Variants in ASIC2 observed in about 807,000 individuals in gnomAD.
ASIC2 encodes acid-sensing ion channel 2.
In ASIC2, 25 loss-of-function variants were observed where a neutral mutation model predicts 57.3. The ratio of observed to expected loss-of-function variants is 0.44; its 90% CI spans 0.32 to 0.61. The LOEUF (loss-of-function observed/expected upper bound fraction) is 0.61. Ranked by LOEUF, ASIC2 falls within the 20% of genes least tolerant of loss-of-function variation. The pLI, the probability that ASIC2 is intolerant of heterozygous loss-of-function variation, is 0.06. For synonymous variants in ASIC2, 319 were observed against 307.5 expected, an observed-to-expected ratio of 1.04 and a Z score of -0.39; for missense variants, 641 against 738.1, an observed-to-expected ratio of 0.87 and a Z score of 1.52.
intron 1 of ASIC2, chr17:33,833,988 A>G (rs957206263): frequency 2.0e-5 from 3 of 152,208 alleles, no homozygotes; most frequent in African/African-American, 7.2e-5. Context: ...ACTTGAGGCC[A>G]GAAACTGGAG....
intron 3 of ASIC2, among the ~76,000 whole-genome samples, chr17:33,086,861 G>A (rs1320282121): frequency 6.6e-6 from 1 of 151,868 alleles, no homozygotes; most frequent in African/African-American, 2.4e-5. Flanking sequence ...CTTTTCACAG[G>A]GACCAGCACC....
intron 1 of ASIC2, among the ~76,000 whole-genome samples, chr17:33,513,106 G>A (rs1272522668): frequency 6.6e-6 from 1 of 152,214 alleles, no homozygotes; most frequent in Non-Finnish European, 1.5e-5. Context: ...TTGGGGATGG[G>A]TATAAATGAT....
intron 1 of ASIC2, among the ~76,000 whole-genome samples, chr17:33,278,770 G>A (rs560236470): frequency 6.6e-5 from 10 of 151,350 alleles, no homozygotes; most frequent in African/African-American, 2.2e-4. Flanking sequence ...TTTTTTTTTG[G>A]TGGAACTATC....
intron 3 of ASIC2, among the ~76,000 whole-genome samples, chr17:33,043,982 T>A (rs2091939953): frequency 6.6e-6 from 1 of 152,212 alleles, no homozygotes; most frequent in African/African-American, 2.4e-5. Flanking sequence ...AATAAGCTCA[T>A]ATCCATTGCA....
intron 1 of ASIC2, chr17:34,039,555 T>C (rs1410473675): frequency 3.6e-5 from 58 of 1,613,836 alleles, no homozygotes; most frequent in Non-Finnish European, 4.6e-5. Context: ...ATCGTGCAAC[T>C]GGTGGAACAC....
At chr17:33,666,403 C>T (rs1008274811) in intron 1 of ASIC2, among the ~76,000 whole-genome samples, 4 of 152,080 alleles carry the variant, frequency 2.6e-5, no homozygotes, top group East Asian at 1.9e-4. Flanking sequence ...TGCAGCGGGC[C>T]GAGCACCAAA....
chr17:34,039,826 A>G, intron 1 of ASIC2: 3 of 1,608,580 alleles, frequency 1.9e-6, no homozygotes, highest in Admixed American at 3.3e-5. Flanking sequence ...CCTGGCCTCC[A>G]ATAATTTCTG....
intron 1 of ASIC2, among the ~76,000 whole-genome samples, chr17:33,927,034 T>C (rs1915837667): frequency 1.3e-5 from 2 of 152,132 alleles, no homozygotes; most frequent in Non-Finnish European, 2.9e-5. Context: ...GTTCAAGAGA[T>C]TCTCATGTCT....
At chr17:34,087,751 G>T (rs9674577) in intron 1 of ASIC2, among the ~76,000 whole-genome samples, 129,984 of 150,362 alleles carry the variant, frequency 0.86, 56,328 homozygotes, top group South Asian at 0.9. Context: ...TTTTATTCTT[G>T]TTTCTCTAAA....
chr17:33,058,102 A>G (rs2092005238), intron 3 of ASIC2, among the ~76,000 whole-genome samples: 1 of 152,230 alleles, frequency 6.6e-6, no homozygotes, highest in South Asian at 2.1e-4. Context: ...TCCCTGTACC[A>G]TGGAATGGCA....
intron 1 of ASIC2, among the ~76,000 whole-genome samples, chr17:33,727,350 TACA>T (rs1481021067): frequency 1.3e-5 from 2 of 152,222 alleles, no homozygotes; most frequent in African/African-American, 4.8e-5. Flanking sequence ...ATCTCAGTTT[TACA>T]ACAACAGCTA....
In ASIC2 at chr17:33,652,548, C is replaced by T. The variant is rs530027724; in HGVS notation, c.555+503430G>A. Among the ~76,000 whole-genome samples, 56 of 152,288 alleles carry T rather than the reference C, an allele frequency of 3.7e-4. No homozygotes were observed. The South Asian group carries it at 0.011, about 30-fold the overall frequency. Reference sequence around the variant, plus strand: ...TCCAATTTTCCTGCATAAAGTCACACGTTAGTGGCAGAGCTGAGATTGTAA... The same window carrying T: ...TCCAATTTTCCTGCATAAAGTCACATGTTAGTGGCAGAGCTGAGATTGTAA... On this transcript the variant is annotated intron_variant, in intron 1 of 9. Coordinates refer to the ASIC2 transcript ENST00000359872.
chr17:33,455,871 G>A (rs762238527), intron 1 of ASIC2, among the ~76,000 whole-genome samples: 4 of 152,184 alleles, frequency 2.6e-5, no homozygotes, highest in Non-Finnish European at 4.4e-5. Context: ...CAAAGACTTT[G>A]CACAGTTCCT....
intron 1 of ASIC2, chr17:34,002,951 A>G (rs948856054): frequency 6.6e-6 from 1 of 152,170 alleles, no homozygotes; most frequent in Non-Finnish European, 1.5e-5. Context: ...GACTCAATAA[A>G]CACCGCTGAA....
At chr17:33,836,083 C>T (rs977025902) in intron 1 of ASIC2, among the ~76,000 whole-genome samples, 10 of 146,100 alleles carry the variant, frequency 6.8e-5, no homozygotes, top group Non-Finnish European at 1.5e-4. Flanking sequence ...CACACACACA[C>T]ATATATAATT....
At chr17:33,075,621 TC>T (rs2141953862) in intron 3 of ASIC2, among the ~76,000 whole-genome samples, 1 of 152,158 alleles carries the variant, frequency 6.6e-6, no homozygotes, top group South Asian at 2.1e-4. Context: ...TAAAATCCCC[TC>T]CCCTGCTGGT....
At chr17:33,754,023 A>T (rs911415187) in intron 1 of ASIC2, among the ~76,000 whole-genome samples, 1 of 152,162 alleles carries the variant, frequency 6.6e-6, no homozygotes, top group African/African-American at 2.4e-5. Context: ...GTTTCTATGC[A>T]CCTAAAACTG....
intron 1 of ASIC2, among the ~76,000 whole-genome samples, chr17:33,388,523 C>A (rs764898918): frequency 1.2e-4 from 19 of 152,194 alleles, no homozygotes; most frequent in Non-Finnish European, 2.6e-4. Context: ...CCCTCTACCC[C>A]ACTTCTCATG....
chr17:33,619,148 A>G (rs1401402749), intron 1 of ASIC2, among the ~76,000 whole-genome samples: 1 of 152,212 alleles, frequency 6.6e-6, no homozygotes, highest in Admixed American at 6.5e-5. Flanking sequence ...AGGTACTTGA[A>G]TCAAAGTACG....
Sources: allele counts gnomAD v4.1 joint callset (sites outside exome capture counted in the v4.1 genomes callset), GRCh38; gene constraint gnomAD v4.1.1; transcripts MANE v1.5; gene names NCBI Gene and HGNC (gene_info 2026-07-23, HGNC 2026-07-21).